TRIP12: variants seen among roughly 807,000 people sequenced by gnomAD.
The protein encoded by TRIP12 is E3 ubiquitin-protein ligase TRIP12.
In TRIP12, 25 loss-of-function variants were observed where a neutral mutation model predicts 244.2. That is an observed-to-expected ratio of 0.10 (90% CI 0.07 to 0.14). The LOEUF (loss-of-function observed/expected upper bound fraction) is 0.14. Ranked by LOEUF, TRIP12 falls within the 10% of genes least tolerant of loss-of-function variation. The probability of loss-of-function intolerance (pLI) is 1.00; values close to 1 mark genes in which losing one functional copy is unlikely to be tolerated. For synonymous variants in TRIP12, 905 were observed against 873.1 expected, an observed-to-expected ratio of 1.04 and a Z score of -0.64; for missense variants, 1,677 against 2,486.4, an observed-to-expected ratio of 0.67 and a Z score of 6.92.
At chr2:229,813,237 G>C (rs975454314) in intron 13 of TRIP12, among the ~76,000 whole-genome samples, 2 of 152,128 alleles carry the variant, frequency 1.3e-5, no homozygotes, top group African/African-American at 4.8e-5. Context: ...TCAAGAAAGA[G>C]TAATCTTTTC....
chr2:229,861,952 T>C (rs1024319664), intron 2 of TRIP12, among the ~76,000 whole-genome samples: 1 of 152,194 alleles, frequency 6.6e-6, no homozygotes, highest in Non-Finnish European at 1.5e-5. Context: ...CTTTTAGTAA[T>C]GAAAGGACAC....
chr2:229,802,576 T>A (rs560090479), intron 20 of TRIP12, 117 bp from the exon 21 acceptor site: 383 of 674,018 alleles, frequency 5.7e-4, no homozygotes, highest in Non-Finnish European at 8.3e-4. Flanking sequence ...GACTAAAACA[T>A]AACTGGCAAA....
Position 229,803,599 on chromosome 2 carries a change from A to C in TRIP12, c.2970T>G (p.Asp990Glu), listed in dbSNP as rs1439550014. The C allele has an allele frequency of 3.1e-6, 5 of 1,612,374 alleles. No individual in the cohort carries two copies. Among genetic ancestry groups the C allele is most frequent in the African/African-American group, 1.3e-5 (1 of 74,862 alleles). ...MAEILMQKLP[D>E]IFSVYFRREG... Reference sequence around the variant, plus strand: ...CTCTTCTGAAGTAAACACTAAAAATATCAGGTAACTTCTGCATTAAAATTT... The same window carrying C: ...CTCTTCTGAAGTAAACACTAAAAATCTCAGGTAACTTCTGCATTAAAATTT... The change falls in exon 20 of 42, where the codon GAT becomes GAG. Residue 990 changes from aspartate (D) to glutamate (E), a missense_variant. Physicochemically the swap from Asp to Glu is conservative, Grantham distance 45. Around this residue, in one of 11 missense-constraint regions of TRIP12, gnomAD observed 572 missense variants for 867.8 expected, o/e 0.66. Transcript: ENST00000675903.
In TRIP12 at chr2:229,798,265, A is replaced by T. The variant is rs530798224; in HGVS notation, c.3483-434T>A. ...AATAAGACCCGGCTGCTTAAATTACAAATGCTGATGGCTTCAGAAATCCAT... is the reference window on the plus strand; with the variant it reads ...AATAAGACCCGGCTGCTTAAATTACTAATGCTGATGGCTTCAGAAATCCAT... On this transcript the variant is annotated intron_variant, in intron 23 of 41. Transcript: ENST00000675903. Among the ~76,000 whole-genome samples the T allele has an allele frequency of 6.6e-5, 10 of 152,356 alleles. No individual in the cohort carries two copies. The South Asian group carries it at 2.1e-3, about 32-fold the overall frequency.
intron 37 of TRIP12, among the ~76,000 whole-genome samples, chr2:229,776,196 T>C (rs2036198600): frequency 6.6e-6 from 1 of 152,156 alleles, no homozygotes; most frequent in Non-Finnish European, 1.5e-5. Flanking sequence ...CATATGGTAG[T>C]TGTTGGGATT....
chr2:229,817,164 C>T (rs918259353), intron 9 of TRIP12, among the ~76,000 whole-genome samples: 4 of 152,136 alleles, frequency 2.6e-5, no homozygotes, highest in African/African-American at 9.7e-5. Context: ...CTCAAGCTAT[C>T]TCCATAATTT....
intron 13 of TRIP12, among the ~76,000 whole-genome samples, chr2:229,813,369 A>G (rs1485810689): frequency 6.6e-6 from 1 of 152,254 alleles, no homozygotes; most frequent in East Asian, 1.9e-4. Flanking sequence ...TCATTTGAAT[A>G]AATCTACCAA....
chr2:229,922,497 G>A (rs1391085380), upstream of TRIP12: 1 of 1,613,780 alleles, frequency 6.2e-7, no homozygotes, highest in East Asian at 2.2e-5. Flanking sequence ...TCTTAGCGAC[G>A]GCGGTGGCGT....
At position 229,791,841 on chromosome 2, in the gene TRIP12, CAAAAG is replaced by C. The variant is rs1337335498; in HGVS notation, c.4415+20_4415+24del. On this transcript the variant is annotated intron_variant, in intron 29 of 41. Coordinates refer to ENST00000675903, the MANE Select transcript of TRIP12 (RefSeq NM_001348323.3). The stretch of plus-strand genomic sequence containing the variant: ...AACAGTTTCAAAGTTTATGAAAAAA[CAAAAG>C]AAAGAATTTTCAGACTTGCCATATT... 2 of 1,605,200 alleles carry C rather than the reference CAAAAG, an allele frequency of 1.2e-6. No homozygotes were observed. The highest frequency in any genetic ancestry group is 1.3e-5 in the African/African-American group (1 of 74,396).
chr2:229,834,137 G>T (rs773613509), intron 6 of TRIP12, among the ~76,000 whole-genome samples: 27 of 152,244 alleles, frequency 1.8e-4, no homozygotes, highest in Non-Finnish European at 2.2e-4. Context: ...TATCTTCACA[G>T]TACTGTGTAA....
At chr2:229,785,711 A>C in intron 34 of TRIP12, 46 bp downstream of exon 34, 2 of 1,540,760 alleles carry the variant, frequency 1.3e-6, no homozygotes, top group Non-Finnish European at 1.8e-6. Flanking sequence ...CATTTAATTA[A>C]GAGCACAAGT....
chr2:229,771,677 C>A, intron 38 of TRIP12, 45 bp from the exon 39 acceptor site: 1 of 1,449,342 alleles, frequency 6.9e-7, no homozygotes, highest in East Asian at 2.3e-5. Context: ...GATTTCAAAT[C>A]TCTTTACTAT....
At chr2:229,895,464 A>C (rs781336754) in intron 1 of TRIP12, among the ~76,000 whole-genome samples, 141 of 152,026 alleles carry the variant, frequency 9.3e-4, no homozygotes, top group Non-Finnish European at 1.6e-3. Flanking sequence ...AATGATATGA[A>C]TCCACAGATG....
At chr2:229,782,877 G>A (rs1330855649) in intron 34 of TRIP12, among the ~76,000 whole-genome samples, 2 of 152,060 alleles carry the variant, frequency 1.3e-5, no homozygotes, top group Admixed American at 6.5e-5. Context: ...CTGAGGGGCA[G>A]AACCTCCATT....
rs1395245200 is a variant in TRIP12 at position 229,798,149 on chromosome 2, C to T, written c.3483-318G>A. 3.3e-5 allele frequency among the ~76,000 whole-genome samples: 5 copies of T among 152,322 alleles called. No individual in the cohort carries two copies. In the South Asian group the frequency reaches 8.3e-4, roughly 25 times the overall value. ...ACTTCCTAAAGTACATACATATCTG[C>T]ATTATCCTTAACTTGTGTTTCCTGG... On this transcript the variant is annotated intron_variant, in intron 23 of 41. Transcript: ENST00000675903.
At chr2:229,847,763 ATCAGATCC>A (rs1437136056) in intron 4 of TRIP12, among the ~76,000 whole-genome samples, 2 of 152,220 alleles carry the variant, frequency 1.3e-5, no homozygotes, top group African/African-American at 4.8e-5. Flanking sequence ...TTTACAAGGC[ATCAGATCC>A]TCAGATCCTC....
chr2:229,842,661 T>C (rs930150394), intron 4 of TRIP12, among the ~76,000 whole-genome samples: 14 of 151,804 alleles, frequency 9.2e-5, no homozygotes, highest in African/African-American at 3.1e-4. Context: ...CAGTACTTCA[T>C]TCATGAATAC....
At chr2:229,848,105 A>G (rs1407682184) in intron 4 of TRIP12, among the ~76,000 whole-genome samples, 1 of 152,178 alleles carries the variant, frequency 6.6e-6, no homozygotes, top group Non-Finnish European at 1.5e-5. Context: ...AGATCTAAAA[A>G]TAATGATAAG....
rs1432634318 is a variant in TRIP12 at position 229,791,268 on chromosome 2, G to A, written c.4416-17C>T. The A allele has an allele frequency of 6.2e-7, 1 of 1,612,908 alleles. No individual in the cohort carries two copies. The highest frequency in any genetic ancestry group is 1.7e-5 in the Admixed American group (1 of 59,834). On this transcript the variant is annotated splice_polypyrimidine_tract_variant and intron_variant, in intron 29 of 41. Transcript: ENST00000675903. ...GGTTTATACCTAAAATGACAAGACA[G>A]TATATAAACCAAATGTAGATTTTGA...
Sources: gnomAD v4.1 joint callset for allele counts (sites outside exome capture counted in the v4.1 genomes callset) on GRCh38, gnomAD v4.1.1 for gene constraint, gnomAD v4.1.1 regional missense constraint, MANE v1.5 for transcripts, NCBI Gene and HGNC (gene_info 2026-07-23, HGNC 2026-07-21) for gene names.